The following SART1 variants were observed in gnomAD, a reference collection of about 807,000 sequenced individuals.
SART1 encodes U4/U6.U5 tri-snRNP-associated protein 1.
In SART1, 28 loss-of-function variants were observed where a neutral mutation model predicts 105.0. The observed-to-expected ratio is 0.27, with a 90% CI of 0.20 to 0.37. The LOEUF (loss-of-function observed/expected upper bound fraction) is 0.37. SART1 is among the 10% of genes least tolerant of loss of function. The pLI is 1.00. For missense variants in SART1, 894 were observed against 1,106.5 expected (o/e 0.81, Z 2.72); for synonymous variants, 472 against 462.9 (o/e 1.02, Z -0.25).
At chr11:65,964,217 AGT>A in intron 2 of SART1, 86 bp downstream of exon 2, 1 of 1,151,904 alleles carries the variant, frequency 8.7e-7, no homozygotes, top group Non-Finnish European at 1.3e-6. Context: ...CTCACATGAA[AGT>A]GTGCTAATCA....
chr11:65,968,978 C>T (rs1247509789), intron 12 of SART1, among the ~76,000 whole-genome samples: 1 of 152,230 alleles, frequency 6.6e-6, no homozygotes, highest in African/African-American at 2.4e-5. Flanking sequence ...CTACCCCACA[C>T]TTCTCACCTA....
At chr11:65,967,197 GGGCTTGT>G in intron 9 of SART1, 55 bp from the exon 10 acceptor site, 3 of 1,591,152 alleles carry the variant, frequency 1.9e-6, no homozygotes, top group Non-Finnish European at 2.6e-6. Flanking sequence ...TCACCCTCGA[GGGCTTGT>G]GGCGACCTGC....
chr11:65,965,858 G>C, intron 6 of SART1, 29 bp from the exon 7 acceptor site: 1 of 1,613,640 alleles, frequency 6.2e-7, no homozygotes, highest in Non-Finnish European at 8.5e-7. Flanking sequence ...CGTGGAGGGA[G>C]GTTCCTGACT....
chr11:65,964,976 C>T, intron 3 of SART1, 116 bp from the exon 4 acceptor site: 2 of 1,329,808 alleles, frequency 1.5e-6, no homozygotes, highest in South Asian at 3.3e-5. Context: ...AGGATTGTTC[C>T]TTCCTGTCCT....
chr11:65,974,656 G>T (rs1855447410), intron 12 of SART1, among the ~76,000 whole-genome samples: 1 of 152,138 alleles, frequency 6.6e-6, no homozygotes, highest in Admixed American at 6.6e-5. Flanking sequence ...TCCAGCATGG[G>T]TGATAGAGTG....
intron 12 of SART1, among the ~76,000 whole-genome samples, chr11:65,974,096 C>T (rs1354751129): frequency 6.7e-6 from 1 of 149,888 alleles, no homozygotes; most frequent in African/African-American, 2.5e-5. Context: ...GGTGCGGTGG[C>T]TCACACCTGT....
Position 65,978,048 on chromosome 11 carries a change from G to A in SART1, c.2172+149G>A. On this transcript the variant is annotated intron_variant, in intron 17 of 19. Transcript: ENST00000312397. The surrounding 1 kb of genome is among the most constrained non-coding windows in gnomAD (Gnocchi z 6.8). The stretch of plus-strand genomic sequence containing the variant: ...CCTGGTGAATGCCACGGATGGGGAG[G>A]GGGCCCTCAGGGCTGAGGAAGGCTG... 5.0e-6 allele frequency: 4 copies of A among 796,638 alleles called. No individual in the cohort carries two copies. Among genetic ancestry groups the A allele is most frequent in the African/African-American group, 1.7e-5 (1 of 57,284 alleles). The allele number at this position is 796,638 out of a possible 1,614,324, so 49.3% of individuals were successfully genotyped here.
intron 17 of SART1, 27 bp downstream of exon 17, chr11:65,977,926 G>T: frequency 6.4e-7 from 1 of 1,565,986 alleles, no homozygotes. Context: ...GCAGGCGGAG[G>T]CCCGGCCTGC....
chr11:65,966,447 T>TGCGGGA lies in SART1; in HGVS notation c.1088_1093dup (p.Arg363_Glu364dup). On this transcript the variant is annotated inframe_insertion, in exon 9 of 20. Coordinates refer to ENST00000312397, the MANE Select transcript of SART1 (RefSeq NM_005146.5). Reference sequence around the variant, plus strand: ...GAGCAGGGCGGCACGGCTGATGGCCTGCGGGAGCGGGAGCTGGAGGAGATC... The same window carrying TGCGGGA: ...GAGCAGGGCGGCACGGCTGATGGCCTGCGGGAGCGGGAGCGGGAGCTGGAGGAGATC... 2 of 1,613,352 alleles carry TGCGGGA rather than the reference T, an allele frequency of 1.2e-6. No homozygotes were observed. Among genetic ancestry groups the TGCGGGA allele is most frequent in the Non-Finnish European group, 1.7e-6 (2 of 1,179,786 alleles).
intron 12 of SART1, among the ~76,000 whole-genome samples, chr11:65,968,111 G>A (rs1446105307): frequency 6.6e-6 from 1 of 151,970 alleles, no homozygotes; most frequent in East Asian, 1.9e-4. Context: ...CACCAGACCC[G>A]GCTAATTTTT....
At chr11:65,975,810 C>T (rs1855469409) in intron 12 of SART1, among the ~76,000 whole-genome samples, 1 of 151,970 alleles carries the variant, frequency 6.6e-6, no homozygotes, top group Non-Finnish European at 1.5e-5. Context: ...AGATGGTAAT[C>T]ATTGTGTGTG....
intron 9 of SART1, 48 bp downstream of exon 9, chr11:65,966,604 C>T: frequency 6.9e-7 from 1 of 1,438,870 alleles, no homozygotes; most frequent in African/African-American, 1.4e-5. Flanking sequence ...CTCCCTCCCT[C>T]TGGGGCTCCT....
chr11:65,973,221 A>T (rs747859677), intron 12 of SART1, among the ~76,000 whole-genome samples: 1 of 152,144 alleles, frequency 6.6e-6, no homozygotes, highest in Non-Finnish European at 1.5e-5. Flanking sequence ...TTGTTTTTTT[A>T]CAAAACATAC....
At chr11:65,967,981 G>A (rs564975548) in intron 12 of SART1, among the ~76,000 whole-genome samples, 160 bp downstream of exon 12, 2 of 134,868 alleles carry the variant, frequency 1.5e-5, no homozygotes, top group East Asian at 2.2e-4. Context: ...ACAGAGTTTC[G>A]CTCTTTCGCC....
Position 65,968,575 on chromosome 11 carries a change from C to T in SART1, c.1572+754C>T, listed in dbSNP as rs183617338. 1.9e-3 allele frequency among the ~76,000 whole-genome samples: 290 copies of T among 152,254 alleles called. 1 individual carries two copies. The highest frequency in any genetic ancestry group is 1.1e-3 in the Non-Finnish European group (73 of 68,026). ...GGTTGGGATCTTAGATGGGAGAGTG[C>T]AGGGAAGACCTTTCCAAGGTACTAG... On this transcript the variant is annotated intron_variant, in intron 12 of 19. Transcript: ENST00000312397.
intron 12 of SART1, among the ~76,000 whole-genome samples, chr11:65,970,593 G>A (rs892432501): frequency 1.3e-5 from 2 of 148,712 alleles, no homozygotes; most frequent in Non-Finnish European, 3.0e-5. Flanking sequence ...TTTAGGGGAA[G>A]TCAAGGCAGC....
intron 16 of SART1, 33 bp from the exon 17 acceptor site, chr11:65,977,731 C>G (rs1323787013): frequency 6.2e-7 from 1 of 1,613,890 alleles, no homozygotes; most frequent in African/African-American, 1.3e-5. Flanking sequence ...GGCGGCAGCT[C>G]CTCACACTAA....
At position 65,978,562 on chromosome 11, in the gene SART1, C is replaced by A; in HGVS notation, c.2173-38C>A. On this transcript the variant is annotated intron_variant, in intron 17 of 19. Transcript: ENST00000312397. This position sits in a 1 kb window ranked among gnomAD's most constrained non-coding sequence, Gnocchi z 6.8. ...GGGCACAGGTGGCTCCGGCCCCACC[C>A]AGGGCCCTGCATCTCCTCTCATGCC... The A allele has an allele frequency of 6.5e-7, 1 of 1,545,766 alleles. No individual in the cohort carries two copies. The highest frequency in any genetic ancestry group is 8.8e-7 in the Non-Finnish European group (1 of 1,142,850).
rs747012198 is a variant in SART1, at chr11:65,965,322, TCA to T, written c.555-18_555-17del. ...GAGCAGGAGCTGGGCTCCTTGAGCATCACTTTTTCCCCTCTTCAGGAAGATAA... is the reference window on the plus strand; with the variant it reads ...GAGCAGGAGCTGGGCTCCTTGAGCATCTTTTTCCCCTCTTCAGGAAGATAA... On this transcript the variant is annotated intron_variant, in intron 4 of 19. Coordinates refer to ENST00000312397, the MANE Select transcript of SART1 (RefSeq NM_005146.5). 1.4e-5 allele frequency: 22 copies of T among 1,595,376 alleles called. 1 individual carries two copies. In the Admixed American group the frequency reaches 3.7e-4, roughly 27 times the overall value.
Sources: gnomAD v4.1 joint callset for allele counts (sites outside exome capture counted in the v4.1 genomes callset) on GRCh38, gnomAD v4.1.1 for gene constraint, Gnocchi (gnomAD v3.1) non-coding constraint, MANE v1.5 for transcripts, NCBI Gene and HGNC (gene_info 2026-07-23, HGNC 2026-07-21) for gene names.